CCDC187: variants seen among roughly 807,000 people sequenced by gnomAD.
CCDC187 encodes coiled-coil domain containing 187.
CCDC187 carries 32 observed loss-of-function variants against 38.0 expected under a neutral mutation model. The ratio of observed to expected loss-of-function variants is 0.84; its 90% CI spans 0.64 to 1.13. The LOEUF (loss-of-function observed/expected upper bound fraction) is 1.13. CCDC187 is among the 50% of genes most tolerant of loss of function. The probability of loss-of-function intolerance (pLI) is 0.00; values close to 1 mark genes in which losing one functional copy is unlikely to be tolerated. For missense variants in CCDC187, 707 were observed against 786.8 expected (o/e 0.90, Z 1.21); for synonymous variants, 333 against 347.9 (o/e 0.96, Z 0.48).
Position 136,254,915 on chromosome 9 carries a change from G to A in CCDC187, c.4913C>T (p.Thr1638Ile). The A allele has an allele frequency of 1.0e-6, 1 of 985,506 alleles. No individual in the cohort carries two copies. Among genetic ancestry groups the A allele is most frequent in the African/African-American group, 1.7e-5 (1 of 57,362 alleles). The allele number at this position is 985,506 out of a possible 1,614,324, so 61.0% of individuals were successfully genotyped here. Reference protein sequence around the residue: ...SLWEFQKAAATLIQLSGSSSS... With the variant: ...SLWEFQKAAAILIQLSGSSSS... Reference sequence around the variant, plus strand: ...GGAGCTCCCAGAAAGCTGGATCAGGGTAGCCGCTGCTTTCTGGAACTCCCA... The same window carrying A: ...GGAGCTCCCAGAAAGCTGGATCAGGATAGCCGCTGCTTTCTGGAACTCCCA... The change falls in exon 26 of 26, where the codon ACC (threonine) becomes ATC (isoleucine). Residue 1638 changes from threonine to isoleucine, a missense_variant. Transcript: ENST00000638797.
intron 14 of CCDC187, among the ~76,000 whole-genome samples, chr9:136,274,245 C>T (rs1242173433): frequency 6.6e-6 from 1 of 152,238 alleles, no homozygotes; most frequent in Non-Finnish European, 1.5e-5. Flanking sequence ...GGAGCAAGGC[C>T]GACAGCAGCC....
intron 17 of CCDC187, 116 bp downstream of exon 17, chr9:136,265,840 G>C (rs1830737602): frequency 4.4e-6 from 2 of 452,108 alleles, no homozygotes. Context: ...GGGTGGCAAG[G>C]GCTTGGGAAT....
Position 136,268,055 on chromosome 9 carries a change from G to A in CCDC187, c.3513C>T (p.Thr1171=). The change falls in exon 15 of 26, where the codon ACC becomes ACT. Residue 1171 remains threonine (T), a synonymous_variant. Transcript: ENST00000638797. ...LAKFFPPDNP[T]HQMLERSLRE... ...AGGGGACCTCTCCACGTACCTGGTG[G>A]GTGGGGTTGTCCGGAGGGAAGAACT... The A allele has an allele frequency of 1.0e-6, 1 of 985,528 alleles. No individual in the cohort carries two copies. The highest frequency in any genetic ancestry group is 1.2e-6 in the Non-Finnish European group (1 of 829,972). The allele number at this position is 985,528 out of a possible 1,614,324, so 61.0% of individuals were successfully genotyped here. A position where few individuals can be genotyped will look rare whatever the true frequency, so the allele number is the denominator to read the frequency against.
upstream of CCDC187, among the ~76,000 whole-genome samples, chr9:136,305,050 C>T (rs1339583747): frequency 1.3e-5 from 2 of 152,236 alleles, no homozygotes; most frequent in Non-Finnish European, 2.9e-5. Context: ...AAACGGGGCC[C>T]TGGCTGCCGG....
At chr9:136,277,783 G>A (rs1157757312) in intron 10 of CCDC187, among the ~76,000 whole-genome samples, 1 of 152,176 alleles carries the variant, frequency 6.6e-6, no homozygotes, top group Non-Finnish European at 1.5e-5. Context: ...AGATGGTGGG[G>A]CCCTCGTGAT....
intron 4 of CCDC187, 55 bp from the exon 5 acceptor site, chr9:136,292,350 G>T (rs923968326): frequency 3.8e-5 from 15 of 398,520 alleles, no homozygotes; most frequent in Admixed American, 3.5e-4. Flanking sequence ...TCTGGGCACT[G>T]GCCCGGACGG....
At chr9:136,298,330 G>A (rs879179340) in intron 3 of CCDC187, among the ~76,000 whole-genome samples, 1 of 152,188 alleles carries the variant, frequency 6.6e-6, no homozygotes, top group Non-Finnish European at 1.5e-5. Context: ...AGACCTGGGG[G>A]GGCCTTGGCA....
chr9:136,272,723 A>C (rs1554762601), intron 14 of CCDC187, among the ~76,000 whole-genome samples: 1 of 151,714 alleles, frequency 6.6e-6, no homozygotes, highest in African/African-American at 2.4e-5. Flanking sequence ...AAAAAACAAA[A>C]ACTAGCTTGG....
intron 4 of CCDC187, among the ~76,000 whole-genome samples, chr9:136,293,307 TCACACA>T (rs1278079065): frequency 2.9e-5 from 4 of 136,132 alleles, no homozygotes; most frequent in Admixed American, 7.4e-5. Flanking sequence ...AAACACATGT[TCACACA>T]CTCACACTCA....
intron 4 of CCDC187, among the ~76,000 whole-genome samples, chr9:136,293,465 T>TCACAAA (rs1186477613): frequency 8.3e-5 from 4 of 48,280 alleles, no homozygotes; most frequent in South Asian, 5.5e-4. Context: ...ACACTCACAC[T>TCACAAA]CACATGCTCA....
At chr9:136,297,341 C>G (rs919853236) in intron 4 of CCDC187, among the ~76,000 whole-genome samples, 2 of 151,846 alleles carry the variant, frequency 1.3e-5, no homozygotes, top group Admixed American at 6.6e-5. Context: ...CTGCGGGTAC[C>G]GTGAGCTGCC....
chr9:136,285,343 T>C (rs1344273708), intron 9 of CCDC187, among the ~76,000 whole-genome samples, 170 bp downstream of exon 9: 2 of 152,018 alleles, frequency 1.3e-5, no homozygotes, highest in Non-Finnish European at 2.9e-5. Flanking sequence ...CACCACCTGC[T>C]CCGGGTCCCT....
chr9:136,294,346 TCACA>T (rs1157993733), intron 4 of CCDC187, among the ~76,000 whole-genome samples: 1 of 152,046 alleles, frequency 6.6e-6, no homozygotes, highest in Non-Finnish European at 1.5e-5. Context: ...ACACATTCAC[TCACA>T]CACACTGCTT....
In CCDC187 at chr9:136,267,428, C is replaced by G. The variant is rs781917146; in HGVS notation, c.3603G>C (p.Gln1201His). 1.0e-6 allele frequency: 1 copy of G among 985,442 alleles called. No homozygotes were observed. Among genetic ancestry groups the G allele is most frequent in the Non-Finnish European group, 1.2e-6 (1 of 830,014 alleles). The allele number at this position is 985,442 out of a possible 1,614,324, so 61.0% of individuals were successfully genotyped here. ...AGGCCAGCTCCGCGAGCGTTTTCTC[C>G]TGGAGCGCCATCTCTCGCAGGCGCA... ...ALLRLREMAL[Q>H]EKTLAELAWL... is the part of the protein sequence containing the mutation. The change falls in exon 16 of 26, where the codon CAG becomes CAC. Residue 1201 changes from glutamine to histidine, a missense_variant. By Grantham distance (24) the Gln-to-His change is conservative. Coordinates refer to ENST00000638797, the MANE Select transcript of CCDC187 (RefSeq NM_001378188.1).
intron 14 of CCDC187, 31 bp from the exon 15 acceptor site, chr9:136,268,156 G>GT: frequency 1.0e-6 from 1 of 984,890 alleles, no homozygotes; most frequent in Non-Finnish European, 1.2e-6. Context: ...GTTGGGTCAT[G>GT]TAGGGGGTCT....
chr9:136,260,404 C>T (rs1830666352), intron 19 of CCDC187, 140 bp from the exon 20 acceptor site: 2 of 389,762 alleles, frequency 5.1e-6, no homozygotes, highest in South Asian at 2.2e-4. Context: ...TGGTCAGTGG[C>T]CAAGCAGAAG....
rs912234083 is a variant in CCDC187 at position 136,252,813 on chromosome 9, C to G, written c.*781G>C. The G allele has an allele frequency of 8.5e-5, 13 of 152,498 alleles. No homozygotes were observed. The highest frequency in any genetic ancestry group is 3.1e-4 in the African/African-American group (13 of 41,570). 9.4% of individuals were successfully genotyped at this position (152,498 alleles called of 1,614,324 possible). On this transcript the variant is annotated 3_prime_UTR_variant, in exon 26 of 26. Transcript: ENST00000638797. Reference sequence around the variant, plus strand: ...AAGTCCACTGCCTGGTCTCTCTCCACACCTGGGAGATGGGTACAGCGGCCT... The same window carrying G: ...AAGTCCACTGCCTGGTCTCTCTCCAGACCTGGGAGATGGGTACAGCGGCCT...
rs1312260090 is a variant in CCDC187 at position 136,251,872 on chromosome 9, G to A, written c.*1722C>T. 3.4e-5 allele frequency: 5 copies of A among 146,766 alleles called. No homozygotes were observed. Among genetic ancestry groups the A allele is most frequent in the African/African-American group, 1.0e-4 (4 of 40,128 alleles). 9.1% of individuals were successfully genotyped at this position (146,766 alleles called of 1,614,324 possible). On this transcript the variant is annotated 3_prime_UTR_variant, in exon 26 of 26. Coordinates refer to ENST00000638797, the MANE Select transcript of CCDC187 (RefSeq NM_001378188.1). Reference sequence around the variant, plus strand: ...GCCGGCCACCCACCCGGTCCACCCCGGGAAGGTCCAGGCGACCGTCCCGCG... The same window carrying A: ...GCCGGCCACCCACCCGGTCCACCCCAGGAAGGTCCAGGCGACCGTCCCGCG...
At chr9:136,273,923 T>C (rs1298815049) in intron 14 of CCDC187, among the ~76,000 whole-genome samples, 3 of 152,234 alleles carry the variant, frequency 2.0e-5, no homozygotes, top group African/African-American at 7.2e-5. Flanking sequence ...CACCTTGTGG[T>C]GGTCTTGCCG....
Sources: gnomAD v4.1 joint callset for allele counts (sites outside exome capture counted in the v4.1 genomes callset) on GRCh38, gnomAD v4.1.1 for gene constraint, MANE v1.5 for transcripts, NCBI Gene and HGNC (gene_info 2026-07-23, HGNC 2026-07-21) for gene names.